CHSY3: variants seen among roughly 807,000 people sequenced by gnomAD.
CHSY3 encodes chondroitin sulfate synthase 3.
A neutral mutation model predicts 67.2 loss-of-function variants in CHSY3; 35 were observed. The observed-to-expected ratio is 0.52, with a 90% CI of 0.40 to 0.69. The LOEUF is 0.69. Among genes scored for constraint, CHSY3 ranks in the 30% least tolerant of loss-of-function variants. CHSY3 has a pLI of 0.00. For missense variants in CHSY3, 1,069 were observed against 1,138.5 expected (o/e 0.94, Z 0.88); for synonymous variants, 474 against 434.7 (o/e 1.09, Z -1.12).
chr5:130,057,011 C>T (rs1261329191), intron 2 of CHSY3, among the ~76,000 whole-genome samples: 1 of 148,860 alleles, frequency 6.7e-6, no homozygotes, highest in Admixed American at 6.7e-5. Flanking sequence ...GCAAGCTCCT[C>T]CTCCCGGGTT....
chr5:130,171,021 G>T (rs2149732689), intron 2 of CHSY3, among the ~76,000 whole-genome samples: 1 of 152,116 alleles, frequency 6.6e-6, no homozygotes, highest in African/African-American at 2.4e-5. Flanking sequence ...ATGAATAAAG[G>T]GTGTGTGCGT....
At chr5:130,049,533 AT>A (rs201756821) in intron 2 of CHSY3, among the ~76,000 whole-genome samples, 2,976 of 152,182 alleles carry the variant, frequency 0.02, 37 homozygotes, top group South Asian at 0.051. Context: ...CCTAACTAGA[AT>A]TTCAGGAAAA....
At chr5:129,987,693 C>T (rs1198875623) in intron 2 of CHSY3, among the ~76,000 whole-genome samples, 1 of 152,110 alleles carries the variant, frequency 6.6e-6, no homozygotes, top group Non-Finnish European at 1.5e-5. Flanking sequence ...ATAACTTGCT[C>T]ATATGTGTAA....
At chr5:129,913,686 T>C (rs1473434739) in intron 2 of CHSY3, among the ~76,000 whole-genome samples, 1 of 152,204 alleles carries the variant, frequency 6.6e-6, no homozygotes, top group Non-Finnish European at 1.5e-5. Flanking sequence ...AAGAATAGTT[T>C]GTATTTATCA....
intron 2 of CHSY3, among the ~76,000 whole-genome samples, chr5:130,042,343 C>T (rs547720826): frequency 6.6e-6 from 1 of 152,126 alleles, no homozygotes; most frequent in East Asian, 1.9e-4. Context: ...TATGCATTTT[C>T]CCCCAAACAG....
intron 2 of CHSY3, among the ~76,000 whole-genome samples, chr5:129,989,991 T>A (rs1763313400): frequency 6.6e-6 from 1 of 152,154 alleles, no homozygotes; most frequent in Admixed American, 6.5e-5. Context: ...CAAACAGACA[T>A]TCCAGGAGCT....
At chr5:130,143,099 AT>A (rs1768919022) in intron 2 of CHSY3, among the ~76,000 whole-genome samples, 2 of 152,210 alleles carry the variant, frequency 1.3e-5, no homozygotes, top group African/African-American at 4.8e-5. Flanking sequence ...ATTCAAAAAA[AT>A]AAATCCTTAA....
At position 130,044,841 on chromosome 5, in the gene CHSY3, A is replaced by T. The variant is rs1580679223; in HGVS notation, c.1086+136481A>T. ...GCATATTGGGTGGGTCATTCCCCGGATGCTGATGTAACACAGAAGGATGAC... is the reference window on the plus strand; with the variant it reads ...GCATATTGGGTGGGTCATTCCCCGGTTGCTGATGTAACACAGAAGGATGAC... On this transcript the variant is annotated intron_variant, in intron 2 of 2. Transcript: ENST00000305031. 2.0e-5 allele frequency among the ~76,000 whole-genome samples: 3 copies of T among 152,248 alleles called. No homozygotes were observed. In the South Asian group the frequency reaches 6.2e-4, roughly 32 times the overall value.
intron 2 of CHSY3, chr5:130,142,067 A>G (rs1187799161): frequency 6.0e-6 from 1 of 166,276 alleles, no homozygotes; most frequent in African/African-American, 2.4e-5. Flanking sequence ...ACTACTGGCC[A>G]ATCTCAATAC....
chr5:129,958,384 T>C (rs1238187348), intron 2 of CHSY3, among the ~76,000 whole-genome samples: 1 of 152,142 alleles, frequency 6.6e-6, no homozygotes, highest in Admixed American at 6.6e-5. Flanking sequence ...CAGGGAACTA[T>C]GTGTAGGAAG....
Position 129,923,037 on chromosome 5 carries a change from G to T in CHSY3, c.1086+14677G>T, listed in dbSNP as rs1443188306. Among the ~76,000 whole-genome samples, 7 of 152,288 alleles carry T rather than the reference G, an allele frequency of 4.6e-5. No individual in the cohort carries two copies. The East Asian group carries it at 7.7e-4, about 17-fold the overall frequency. On this transcript the variant is annotated intron_variant, in intron 2 of 2. Transcript: ENST00000305031. ...GGCTGGAGCATAGAAGGATGTATTG[G>T]AGGTTTTTGTTCTTAGAGATTGTGA...
chr5:130,141,148 G>C (rs1319674882), intron 2 of CHSY3: 1 of 393,632 alleles, frequency 2.5e-6, no homozygotes, highest in Non-Finnish European at 4.9e-6. Flanking sequence ...CAGCTGTCCA[G>C]GCAGCCATCC....
chr5:130,155,019 C>G (rs1769332103), intron 2 of CHSY3, among the ~76,000 whole-genome samples: 1 of 152,178 alleles, frequency 6.6e-6, no homozygotes, highest in Non-Finnish European at 1.5e-5. Flanking sequence ...CCTCGAACAG[C>G]AACTCCAACA....
At chr5:130,050,039 G>C (rs1250214343) in intron 2 of CHSY3, among the ~76,000 whole-genome samples, 1 of 152,028 alleles carries the variant, frequency 6.6e-6, no homozygotes, top group Non-Finnish European at 1.5e-5. Context: ...TTGTAGGTAT[G>C]CCTGTAAGCT....
intron 2 of CHSY3, among the ~76,000 whole-genome samples, chr5:130,072,913 A>G (rs1211074285): frequency 6.6e-6 from 1 of 152,162 alleles, no homozygotes; most frequent in Non-Finnish European, 1.5e-5. Flanking sequence ...ACACTTCATG[A>G]TCTCACTTAT....
intron 2 of CHSY3, among the ~76,000 whole-genome samples, chr5:130,145,404 T>G (rs1211372375): frequency 1.3e-5 from 2 of 152,144 alleles, no homozygotes; most frequent in Non-Finnish European, 2.9e-5. Flanking sequence ...TGCAGAAGAA[T>G]GAGGCTACAC....
intron 2 of CHSY3, among the ~76,000 whole-genome samples, chr5:129,939,337 A>G (rs1761623124): frequency 6.6e-6 from 1 of 152,174 alleles, no homozygotes; most frequent in South Asian, 2.1e-4. Context: ...GAGCCAAACC[A>G]TATCAGATGC....
intron 2 of CHSY3, among the ~76,000 whole-genome samples, chr5:130,143,734 G>GTGTGTATATATA (rs1223966105): frequency 6.3e-5 from 6 of 94,662 alleles, no homozygotes; most frequent in Non-Finnish European, 6.0e-5. Context: ...GTGTGTGTGT[G>GTGTGTATATATA]TATATATATA....
At chr5:130,046,411 T>A (rs1178933122) in intron 2 of CHSY3, among the ~76,000 whole-genome samples, 1 of 152,266 alleles carries the variant, frequency 6.6e-6, no homozygotes, top group African/African-American at 2.4e-5. Flanking sequence ...GTTATTAAGG[T>A]GCTTCAAAAT....
Sources: gnomAD v4.1 joint callset for allele counts (sites outside exome capture counted in the v4.1 genomes callset) on GRCh38, gnomAD v4.1.1 for gene constraint, MANE v1.5 for transcripts, NCBI Gene and HGNC (gene_info 2026-07-23, HGNC 2026-07-21) for gene names.